Variants in GPHN observed in about 807,000 individuals in gnomAD.
GPHN encodes the protein gephyrin.
Under a neutral mutation model 95.5 loss-of-function variants are expected in GPHN, and 17 were observed. The ratio of observed to expected loss-of-function variants is 0.18; its 90% CI spans 0.12 to 0.27. GPHN has a LOEUF of 0.27. Ranked by LOEUF, GPHN falls within the 10% of genes least tolerant of loss-of-function variation. The pLI, the probability that GPHN is intolerant of heterozygous loss-of-function variation, is 1.00. For missense variants in GPHN, 660 were observed against 978.1 expected (o/e 0.67, Z 4.34); for synonymous variants, 320 against 322.5 (o/e 0.99, Z 0.08).
the GPHN span, chr14:67,613,721 A>AT: frequency 0.083 from 18,175 of 217,962 alleles, 856 homozygotes; most frequent in Admixed American, 0.14. Flanking sequence ...TACAGCCTGT[A>AT]TTTGCCAAAA....
At chr14:67,383,536 A>T in the GPHN span, 1 of 1,517,850 alleles carries the variant, frequency 6.6e-7, no homozygotes, top group Non-Finnish European at 9.0e-7. Flanking sequence ...GAAAACTTCA[A>T]AGCTGAATAT....
chr14:66,944,714 G>A (rs1008930513), intron 8 of GPHN, among the ~76,000 whole-genome samples: 4 of 152,216 alleles, frequency 2.6e-5, no homozygotes, highest in Non-Finnish European at 5.9e-5. Context: ...AAGATGCCTG[G>A]GGAAGAACTT....
At chr14:67,511,161 G>T in the GPHN span, among the ~76,000 whole-genome samples, 1 of 152,098 alleles carries the variant, frequency 6.6e-6, no homozygotes, top group African/African-American at 2.4e-5. Flanking sequence ...AACAATGAAT[G>T]AATGGGCCAG....
chr14:67,067,298 T>C (rs887863366), intron 11 of GPHN, among the ~76,000 whole-genome samples: 3 of 152,152 alleles, frequency 2.0e-5, no homozygotes, highest in African/African-American at 2.4e-5. Context: ...ACAGCAAATA[T>C]TGCTGCCTGA....
chr14:66,721,061 T>G (rs2070695161), intron 2 of GPHN, among the ~76,000 whole-genome samples: 1 of 152,214 alleles, frequency 6.6e-6, no homozygotes, highest in South Asian at 2.1e-4. Context: ...CTGCTGTATC[T>G]TGGCTTGGCA....
chr14:66,912,767 G>A (rs567009655), intron 5 of GPHN, among the ~76,000 whole-genome samples: 1 of 152,144 alleles, frequency 6.6e-6, no homozygotes, highest in South Asian at 2.1e-4. Context: ...AGGAAAGATG[G>A]ACCAAATATT....
At chr14:67,418,935 G>T in the GPHN span, among the ~76,000 whole-genome samples, 1 of 152,206 alleles carries the variant, frequency 6.6e-6, no homozygotes, top group Non-Finnish European at 1.5e-5. Flanking sequence ...CTTTGCTGGG[G>T]ATGAGAGCCC....
At chr14:67,251,401 T>C in the GPHN span, among the ~76,000 whole-genome samples, 1 of 152,084 alleles carries the variant, frequency 6.6e-6, no homozygotes, top group Non-Finnish European at 1.5e-5. Flanking sequence ...GACTTGGTGG[T>C]GTGTGCCTGT....
the GPHN span, among the ~76,000 whole-genome samples, chr14:67,442,634 T>G: frequency 5.3e-5 from 8 of 152,170 alleles, no homozygotes; most frequent in Non-Finnish European, 1.5e-5. Context: ...GGACCAAGCA[T>G]TCAGTGAGCA....
intron 2 of GPHN, among the ~76,000 whole-genome samples, chr14:66,733,938 C>G (rs892555303): frequency 2.6e-5 from 4 of 152,154 alleles, no homozygotes; most frequent in African/African-American, 9.7e-5. Context: ...TCACCACCGC[C>G]ATTGCCACCA....
chr14:67,434,853 G>C, the GPHN span, among the ~76,000 whole-genome samples: 2 of 152,158 alleles, frequency 1.3e-5, no homozygotes, highest in Non-Finnish European at 2.9e-5. Context: ...CATCTGGTGA[G>C]GGCCTTCTTG....
At chr14:66,870,726 C>G (rs2063400031) in intron 4 of GPHN, among the ~76,000 whole-genome samples, 1 of 152,102 alleles carries the variant, frequency 6.6e-6, no homozygotes, top group South Asian at 2.1e-4. Context: ...AATTTGTTCT[C>G]AAGGATAACT....
At chr14:67,589,194 G>T in the GPHN span, 1 of 203,926 alleles carries the variant, frequency 4.9e-6, no homozygotes, top group Non-Finnish European at 8.7e-6. Context: ...GAATGGAGCT[G>T]TGTTCACACT....
the GPHN span, chr14:67,359,576 C>G: frequency 6.7e-7 from 1 of 1,497,000 alleles, no homozygotes; most frequent in African/African-American, 1.4e-5. Flanking sequence ...AACAAGGACC[C>G]TCACTGTGGC....
the GPHN span, chr14:67,619,926 G>T: frequency 2.3e-6 from 3 of 1,305,354 alleles, no homozygotes; most frequent in Non-Finnish European, 3.1e-6. Context: ...GCTCACTCCC[G>T]GCTTCCAACC....
the GPHN span, among the ~76,000 whole-genome samples, chr14:67,255,212 T>G: frequency 2.0e-5 from 3 of 151,904 alleles, no homozygotes; most frequent in African/African-American, 7.3e-5. Flanking sequence ...TTCAGACACG[T>G]TTTTCAGGGA....
At chr14:67,363,634 A>G in the GPHN span, among the ~76,000 whole-genome samples, 4 of 152,148 alleles carry the variant, frequency 2.6e-5, no homozygotes, top group African/African-American at 9.7e-5. Context: ...CAGTTTTTTA[A>G]TCTATAAAAT....
At chr14:67,248,133 T>C in the GPHN span, among the ~76,000 whole-genome samples, 2 of 152,344 alleles carry the variant, frequency 1.3e-5, no homozygotes, top group African/African-American at 4.8e-5. Flanking sequence ...ATTTTTCAAA[T>C]GTTGAACCAT....
At chr14:67,126,085 C>T (rs150273897) in intron 17 of GPHN, among the ~76,000 whole-genome samples, 1,897 of 152,126 alleles carry the variant, frequency 0.012, 24 homozygotes, top group Non-Finnish European at 0.021. Flanking sequence ...GCTTCAAATA[C>T]CTGAGAATTA....
Sources: allele counts gnomAD v4.1 joint callset (sites outside exome capture counted in the v4.1 genomes callset), GRCh38; gene constraint gnomAD v4.1.1; transcripts MANE v1.5; gene names NCBI Gene and HGNC (gene_info 2026-07-23, HGNC 2026-07-21).